VPS8: variants seen among roughly 807,000 people sequenced by gnomAD.
VPS8 encodes the protein vacuolar protein sorting-associated protein 8 homolog.
In VPS8, 129 loss-of-function variants were observed where a neutral mutation model predicts 216.4. The ratio of observed to expected loss-of-function variants is 0.60; its 90% CI spans 0.52 to 0.69. VPS8 has a LOEUF of 0.69. VPS8 is among the 30% of genes least tolerant of loss of function. The pLI, the probability that VPS8 is intolerant of heterozygous loss-of-function variation, is 0.00. For missense variants in VPS8, 1,531 were observed against 1,683.5 expected, an observed-to-expected ratio of 0.91 and a Z score of 1.59; for synonymous variants, 571 against 565.4, an observed-to-expected ratio of 1.01 and a Z score of -0.14.
chr3:184,889,768 G>T (rs946569364), intron 22 of VPS8, among the ~76,000 whole-genome samples: 2 of 152,110 alleles, frequency 1.3e-5, no homozygotes, highest in Non-Finnish European at 2.9e-5. Flanking sequence ...TTCTAGGTCT[G>T]TGTTGTGCTT....
intron 31 of VPS8, among the ~76,000 whole-genome samples, chr3:184,928,239 C>T (rs1454980318): frequency 2.6e-5 from 4 of 152,142 alleles, no homozygotes; most frequent in Admixed American, 1.3e-4. Flanking sequence ...GTTTGGAAAG[C>T]AGAGCCATTT....
chr3:184,982,464 G>T, intron 40 of VPS8, 102 bp from the exon 41 acceptor site: 1 of 755,352 alleles, frequency 1.3e-6, no homozygotes, highest in South Asian at 2.0e-5. Context: ...TGAGAAGTAC[G>T]TTTCAACCTG....
intron 34 of VPS8, among the ~76,000 whole-genome samples, chr3:184,934,328 G>A (rs944180567): frequency 6.6e-5 from 10 of 151,892 alleles, no homozygotes; most frequent in Non-Finnish European, 1.2e-4. Flanking sequence ...TGGCCACCAC[G>A]CACAGCTTAT....
intron 4 of VPS8, 149 bp from the exon 5 acceptor site, chr3:184,834,500 A>G: frequency 1.6e-6 from 1 of 609,614 alleles, no homozygotes; most frequent in Middle Eastern, 4.7e-4. Flanking sequence ...AAAGTATAAT[A>G]ATAATAAAAG....
chr3:185,018,288 C>T (rs1246212030), intron 45 of VPS8, among the ~76,000 whole-genome samples: 1 of 152,228 alleles, frequency 6.6e-6, no homozygotes, highest in Non-Finnish European at 1.5e-5. Flanking sequence ...ACTCCTGTAA[C>T]CGAGCCATAA....
chr3:184,959,374 T>C (rs1452220566), intron 37 of VPS8, among the ~76,000 whole-genome samples: 1 of 152,192 alleles, frequency 6.6e-6, no homozygotes. Flanking sequence ...GAGCAAATTC[T>C]TACTGAACTC....
intron 45 of VPS8, among the ~76,000 whole-genome samples, chr3:185,016,833 C>G (rs1755867218): frequency 6.6e-6 from 1 of 152,280 alleles, no homozygotes; most frequent in African/African-American, 2.4e-5. Context: ...TCTAAAGCCT[C>G]CAGTTTCTCT....
At chr3:184,945,195 T>C (rs1743470631) in intron 36 of VPS8, among the ~76,000 whole-genome samples, 1 of 151,918 alleles carries the variant, frequency 6.6e-6, no homozygotes, top group African/African-American at 2.4e-5. Context: ...GTTTATTACA[T>C]ATATATTTCT....
intron 36 of VPS8, among the ~76,000 whole-genome samples, chr3:184,947,126 G>T (rs180986403): frequency 6.6e-6 from 1 of 152,160 alleles, no homozygotes; most frequent in Non-Finnish European, 1.5e-5. Context: ...CCCAGATTCC[G>T]CTGGTACCTG....
chr3:184,999,063 G>GT lies in VPS8; in HGVS notation c.3837-622dup, dbSNP rs112921901. Among the ~76,000 whole-genome samples the GT allele has an allele frequency of 9.1e-3, 1,296 of 143,070 alleles. 5 individuals are homozygous for GT. Among genetic ancestry groups the GT allele is most frequent in the Middle Eastern group, 0.029 (8 of 276 alleles). The allele number at this position is 143,070 out of a possible 152,430, so 93.9% of individuals were successfully genotyped here. A position where few individuals can be genotyped will look rare whatever the true frequency, so the allele number is the denominator to read the frequency against. On this transcript the variant is annotated intron_variant, in intron 44 of 47. Coordinates refer to ENST00000625842, the MANE Select transcript of VPS8 (RefSeq NM_001009921.3). ...CACCTGGCTAATTTTTTGGTTTTTG[G>GT]TTTTTTTTTTTGAGACAGAGTTTTG...
At chr3:184,926,390 ATAAATAAATAAATAGT>A (rs1244311384) in intron 30 of VPS8, among the ~76,000 whole-genome samples, 188 bp from the exon 31 acceptor site, 1 of 151,698 alleles carries the variant, frequency 6.6e-6, no homozygotes, top group East Asian at 2.0e-4. Flanking sequence ...AAATAAATAA[ATAAATAAATAAATAGT>A]TAGCACACCT....
At chr3:184,897,480 A>T (rs1733721214) in intron 23 of VPS8, among the ~76,000 whole-genome samples, 1 of 152,106 alleles carries the variant, frequency 6.6e-6, no homozygotes, top group East Asian at 1.9e-4. Flanking sequence ...TGGCCATTTT[A>T]TTTTGAGATC....
intron 21 of VPS8, among the ~76,000 whole-genome samples, chr3:184,881,907 G>A (rs1055706004): frequency 4.0e-5 from 6 of 151,832 alleles, no homozygotes; most frequent in Admixed American, 3.3e-4. Context: ...TTCAGTAATG[G>A]CATATGGAAT....
At chr3:184,896,629 CT>C (rs1733538264) in intron 23 of VPS8, among the ~76,000 whole-genome samples, 1 of 152,198 alleles carries the variant, frequency 6.6e-6, no homozygotes, top group Non-Finnish European at 1.5e-5. Context: ...TTTATTTACT[CT>C]TTTAACAGCA....
intron 43 of VPS8, 79 bp from the exon 44 acceptor site, chr3:184,996,253 G>A (rs2109869334): frequency 6.9e-7 from 1 of 1,439,762 alleles, no homozygotes; most frequent in Non-Finnish European, 9.2e-7. Context: ...CTAAACAAGT[G>A]CTATTCACCA....
In VPS8 at chr3:184,826,223, C is replaced by A; in HGVS notation, c.214C>A (p.Leu72Ile). 1 of 1,608,338 alleles carries A rather than the reference C, an allele frequency of 6.2e-7. No homozygotes were observed. The highest frequency in any genetic ancestry group is 8.5e-7 in the Non-Finnish European group (1 of 1,176,486). The stretch of plus-strand genomic sequence containing the variant: ...TACTCCTCCAACACTGGAAAGCATA[C>A]TAAATGAGGTAAGTGAATATTAATG... ...VDTPPTLESI[L>I]NETDDEDESF... Residue 72 changes from leucine to isoleucine, a missense_variant, in exon 3 of 48, where the codon CTA (leucine) becomes ATA (isoleucine). Physicochemically the swap from Leu to Ile is conservative, Grantham distance 5. Around this residue, in one of 3 missense-constraint regions of VPS8, gnomAD observed 199 missense variants for 182.2 expected, o/e 1.09. Transcript: ENST00000625842.
intron 24 of VPS8, among the ~76,000 whole-genome samples, chr3:184,899,874 A>G (rs1734172011): frequency 6.6e-6 from 1 of 152,196 alleles, no homozygotes; most frequent in Non-Finnish European, 1.5e-5. Context: ...TATTCCTCAT[A>G]TTAATAAAAT....
intron 33 of VPS8, 99 bp from the exon 34 acceptor site, chr3:184,930,353 TATCTCCAGATAATTTTTC>T: frequency 1.7e-6 from 1 of 601,334 alleles, no homozygotes; most frequent in Non-Finnish European, 2.8e-6. Context: ...ATCAGTTAAC[TATCTCCAGATAATTTTTC>T]ATCTTCAGAT....
At chr3:185,011,837 A>G (rs1039918208) in intron 45 of VPS8, among the ~76,000 whole-genome samples, 8 of 152,218 alleles carry the variant, frequency 5.3e-5, no homozygotes, top group Non-Finnish European at 1.0e-4. Context: ...AAGCAGACCT[A>G]TGAATGACCC....
Sources: gnomAD v4.1 joint callset for allele counts (sites outside exome capture counted in the v4.1 genomes callset) on GRCh38, gnomAD v4.1.1 for gene constraint, gnomAD v4.1.1 regional missense constraint, MANE v1.5 for transcripts, NCBI Gene and HGNC (gene_info 2026-07-23, HGNC 2026-07-21) for gene names.